Variants in PEAK1 observed in about 807,000 individuals in gnomAD.
PEAK1 encodes the protein pseudopodium enriched atypical kinase 1.
Under a neutral mutation model 124.7 loss-of-function variants are expected in PEAK1, and 54 were observed. That is an observed-to-expected ratio of 0.43 (90% CI 0.35 to 0.54). The LOEUF is 0.54. Among genes scored for constraint, PEAK1 ranks in the 20% least tolerant of loss-of-function variants. PEAK1 has a pLI of 0.01. For synonymous variants in PEAK1, 719 were observed against 760.0 expected, an observed-to-expected ratio of 0.95 and a Z score of 0.89; for missense variants, 2,046 against 2,134.5, an observed-to-expected ratio of 0.96 and a Z score of 0.82.
In PEAK1 at chr15:77,261,875, C is replaced by T. The variant is rs1327277676; in HGVS notation, c.-274-9349G>A. On this transcript the variant is annotated intron_variant, in intron 5 of 9. Coordinates refer to ENST00000682557, the MANE Select transcript of PEAK1 (RefSeq NM_001385026.1). ...AGCCAGAGAGAAAGGTCGGGTTACC[C>T]ACAAAGGGAAGCCCATCAGACTAAC... 7.2e-5 allele frequency among the ~76,000 whole-genome samples: 11 copies of T among 152,168 alleles called. No homozygotes were observed. The East Asian group carries it at 2.1e-3, about 29-fold the overall frequency.
intron 1 of PEAK1, among the ~76,000 whole-genome samples, chr15:77,374,515 A>G (rs2068862667): frequency 6.6e-6 from 1 of 152,164 alleles, no homozygotes; most frequent in Non-Finnish European, 1.5e-5. Context: ...GAGTCTTTAA[A>G]ACATCCATAG....
chr15:77,304,138 C>A (rs558671848), intron 2 of PEAK1, among the ~76,000 whole-genome samples: 1 of 152,300 alleles, frequency 6.6e-6, no homozygotes, highest in South Asian at 2.1e-4. Flanking sequence ...TGCCAATTTT[C>A]TTCAGTATTC....
rs553187490 is a variant in PEAK1, at chr15:77,349,649, T to C, written c.-603+15514A>G. ...ATCATTAATGACTCTAATATTCACGTACTTCAAAATTACTTAATCAATCCT... is the reference window on the plus strand; with the variant it reads ...ATCATTAATGACTCTAATATTCACGCACTTCAAAATTACTTAATCAATCCT... On this transcript the variant is annotated intron_variant, in intron 2 of 9. Coordinates refer to ENST00000682557, the MANE Select transcript of PEAK1 (RefSeq NM_001385026.1). 6.1e-6 allele frequency: 6 copies of C among 984,704 alleles called. 1 individual carries two copies. In the South Asian group the frequency reaches 2.4e-4, roughly 39 times the overall value. 61.0% of individuals were successfully genotyped at this position (984,704 alleles called of 1,614,324 possible). A position where few individuals can be genotyped will look rare whatever the true frequency, so the allele number is the denominator to read the frequency against.
intron 6 of PEAK1, among the ~76,000 whole-genome samples, chr15:77,216,696 T>G (rs1048911168): frequency 6.6e-6 from 1 of 152,212 alleles, no homozygotes; most frequent in Non-Finnish European, 1.5e-5. Context: ...GACTCATGAT[T>G]AGCAGCAGAA....
intron 2 of PEAK1, among the ~76,000 whole-genome samples, chr15:77,292,547 G>T (rs991345346): frequency 6.6e-6 from 1 of 151,770 alleles, no homozygotes. Flanking sequence ...CTGCAAAAGG[G>T]ATGTTTGTTT....
chr15:77,328,210 T>C (rs1480451743), intron 2 of PEAK1, among the ~76,000 whole-genome samples: 1 of 152,174 alleles, frequency 6.6e-6, no homozygotes, highest in Non-Finnish European at 1.5e-5. Context: ...AAAAAGAAAG[T>C]ATATCTACCT....
At chr15:77,262,318 T>C (rs936911804) in intron 5 of PEAK1, among the ~76,000 whole-genome samples, 13 of 151,938 alleles carry the variant, frequency 8.6e-5, no homozygotes, top group South Asian at 2.1e-4. Context: ...GACTGGCAAA[T>C]TGGATAAAGA....
chr15:77,149,154 A>C (rs1462950730), intron 8 of PEAK1, among the ~76,000 whole-genome samples: 1 of 152,210 alleles, frequency 6.6e-6, no homozygotes, highest in Non-Finnish European at 1.5e-5. Context: ...CACAGCTCTT[A>C]TAGAAACCTA....
At chr15:77,149,578 C>T (rs1596355081) in intron 8 of PEAK1, among the ~76,000 whole-genome samples, 1 of 152,252 alleles carries the variant, frequency 6.6e-6, no homozygotes, top group Middle Eastern at 3.4e-3. Flanking sequence ...ATCTAAAATA[C>T]TTGTTTCATT....
At position 77,114,933 on chromosome 15, in the gene PEAK1, C is replaced by A; in HGVS notation, c.4464G>T (p.Leu1488Phe). The A allele has an allele frequency of 6.2e-7, 1 of 1,614,084 alleles. No homozygotes were observed. Among genetic ancestry groups the A allele is most frequent in the Non-Finnish European group, 8.5e-7 (1 of 1,180,018 alleles). Residue 1488 changes from leucine (L) to phenylalanine (F), a missense_variant, in exon 10 of 10, where the codon TTG (leucine) becomes TTT (phenylalanine). Physicochemically the swap from Leu to Phe is conservative, Grantham distance 22. Transcript: ENST00000682557. Reference sequence around the variant, plus strand: ...GCAGCAGACACACCTGCCTCTCATACAAATCAGGGCTTTTCCCATGCTGGG... The same window carrying A: ...GCAGCAGACACACCTGCCTCTCATAAAAATCAGGGCTTTTCCCATGCTGGG... The part of the protein sequence containing the change: ...SLAQHGKSPD[L>F]YERQVCLLLL...
intron 6 of PEAK1, among the ~76,000 whole-genome samples, chr15:77,234,243 G>A (rs2060022198): frequency 6.6e-6 from 1 of 152,060 alleles, no homozygotes; most frequent in Non-Finnish European, 1.5e-5. Flanking sequence ...TTTTAGTTAT[G>A]CTTCCTTTTT....
intron 1 of PEAK1, among the ~76,000 whole-genome samples, chr15:77,392,242 T>C (rs1383290325): frequency 6.6e-6 from 1 of 152,226 alleles, no homozygotes; most frequent in Non-Finnish European, 1.5e-5. Flanking sequence ...ACTGGTGGGA[T>C]ACACACTAAA....
intron 7 of PEAK1, among the ~76,000 whole-genome samples, chr15:77,170,700 A>G (rs539541256): frequency 6.6e-6 from 1 of 152,292 alleles, no homozygotes; most frequent in African/African-American, 2.4e-5. Flanking sequence ...TACATTTAGT[A>G]CTCAAAATAT....
intron 5 of PEAK1, chr15:77,278,773 G>T: frequency 2.4e-6 from 1 of 422,918 alleles, no homozygotes; most frequent in Non-Finnish European, 4.5e-6. Context: ...TACTTCTGGT[G>T]ACTATACAGT....
intron 8 of PEAK1, among the ~76,000 whole-genome samples, chr15:77,139,653 A>G (rs576418359): frequency 6.6e-6 from 1 of 152,290 alleles, no homozygotes; most frequent in East Asian, 1.9e-4. Flanking sequence ...TCCCATGCAC[A>G]CTACTTTCTT....
intron 2 of PEAK1, chr15:77,349,941 A>G (rs2067105792): frequency 1.0e-6 from 1 of 984,564 alleles, no homozygotes; most frequent in African/African-American, 1.7e-5. Context: ...GAAAATATAC[A>G]TCTGCTCCAT....
chr15:77,138,421 T>C (rs2053509649), intron 8 of PEAK1, among the ~76,000 whole-genome samples: 1 of 152,160 alleles, frequency 6.6e-6, no homozygotes, highest in Non-Finnish European at 1.5e-5. Flanking sequence ...TATACTAAAT[T>C]TATTTAAAAA....
At position 77,340,781 on chromosome 15, in the gene PEAK1, C is replaced by T. The variant is rs947051993; in HGVS notation, c.-603+24382G>A. Among the ~76,000 whole-genome samples the T allele has an allele frequency of 9.2e-5, 14 of 152,096 alleles. No individual in the cohort carries two copies. The South Asian group carries it at 1.0e-3, about 11-fold the overall frequency. ...GACCCTACAAGTTAAAGGGTATGAT[C>T]CCAAACAATATTGCTCTTTACTTTA... On this transcript the variant is annotated intron_variant, in intron 2 of 9. Transcript: ENST00000682557.
chr15:77,255,999 G>T (rs192134296), intron 5 of PEAK1, among the ~76,000 whole-genome samples: 9 of 152,206 alleles, frequency 5.9e-5, no homozygotes, highest in Non-Finnish European at 8.8e-5. Flanking sequence ...TCAAGATTGT[G>T]AACTAAGAGG....
Sources: allele counts gnomAD v4.1 joint callset (sites outside exome capture counted in the v4.1 genomes callset), GRCh38; gene constraint gnomAD v4.1.1; transcripts MANE v1.5; gene names NCBI Gene and HGNC (gene_info 2026-07-23, HGNC 2026-07-21).